MTUS2: variants seen among roughly 807,000 people sequenced by gnomAD.
MTUS2 encodes microtubule associated scaffold protein 2.
Under a neutral mutation model 114.1 loss-of-function variants are expected in MTUS2, and 40 were observed. The ratio of observed to expected loss-of-function variants is 0.35; its 90% confidence interval spans 0.27 to 0.46. The LOEUF is 0.46. Ranked by LOEUF, MTUS2 falls within the 20% of genes least tolerant of loss-of-function variation. MTUS2 has a pLI of 1.00. For synonymous variants in MTUS2, 688 were observed against 672.0 expected, an observed-to-expected ratio of 1.02 and a Z score of -0.37; for missense variants, 1,679 against 1,705.4, an observed-to-expected ratio of 0.98 and a Z score of 0.27.
chr13:29,240,541 C>T (rs1896694181), intron 5 of MTUS2, among the ~76,000 whole-genome samples: 1 of 151,846 alleles, frequency 6.6e-6, no homozygotes, highest in South Asian at 2.1e-4. Flanking sequence ...TGCCTTCACC[C>T]TGTGTGAATC....
intron 2 of MTUS2, among the ~76,000 whole-genome samples, chr13:28,942,133 C>A (rs533011827): frequency 6.6e-6 from 1 of 152,124 alleles, no homozygotes; most frequent in African/African-American, 2.4e-5. Context: ...TTAAATAACT[C>A]ACTTAAAGCA....
rs867449509 is a variant in MTUS2 at position 28,820,500 on chromosome 13, G to A, written c.-427G>A. 6.5e-6 allele frequency: 1 copy of A among 152,746 alleles called. No individual in the cohort carries two copies. Among genetic ancestry groups the A allele is most frequent in the South Asian group, 2.1e-4 (1 of 4,842 alleles). The allele number at this position is 152,746 out of a possible 1,614,324, so 9.5% of individuals were successfully genotyped here. ...ACCTGTCGGTAAATAGAAAACTCGAGCTGGAGAGGAGGAGGAAGCAGCGTG... is the reference window on the plus strand; with the variant it reads ...ACCTGTCGGTAAATAGAAAACTCGAACTGGAGAGGAGGAGGAAGCAGCGTG... On this transcript the variant is annotated 5_prime_UTR_variant, in exon 1 of 16. Coordinates refer to ENST00000612955, the MANE Select transcript of MTUS2 (RefSeq NM_001033602.4).
chr13:29,392,127 C>CA (rs67050496), intron 8 of MTUS2, among the ~76,000 whole-genome samples: 25,378 of 118,834 alleles, frequency 0.21, 3,293 homozygotes, highest in Middle Eastern at 0.3. Flanking sequence ...GACTCTGTCT[C>CA]AAAAAAAAAA....
At chr13:29,397,823 A>T (rs1022490305) in intron 8 of MTUS2, among the ~76,000 whole-genome samples, 2 of 152,214 alleles carry the variant, frequency 1.3e-5, no homozygotes, top group African/African-American at 4.8e-5. Flanking sequence ...CCAAATGCTT[A>T]CCTTTTCCTG....
At chr13:29,141,837 G>T (rs1000307981) in intron 5 of MTUS2, among the ~76,000 whole-genome samples, 17 of 151,756 alleles carry the variant, frequency 1.1e-4, no homozygotes, top group Admixed American at 1.1e-3. Flanking sequence ...ATCCAAAACA[G>T]CTTGAAGTCT....
At chr13:29,165,079 A>G (rs1893259091) in intron 5 of MTUS2, among the ~76,000 whole-genome samples, 1 of 152,200 alleles carries the variant, frequency 6.6e-6, no homozygotes, top group East Asian at 1.9e-4. Context: ...AGCAGGAGCT[A>G]TGGAACTGTG....
At chr13:29,042,099 G>A (rs1413259900) in intron 4 of MTUS2, among the ~76,000 whole-genome samples, 1 of 152,100 alleles carries the variant, frequency 6.6e-6, no homozygotes, top group Non-Finnish European at 1.5e-5. Context: ...GTTGGCTGTG[G>A]CGTTGTCATA....
chr13:29,259,683 G>T (rs1029582748), intron 5 of MTUS2, among the ~76,000 whole-genome samples: 4 of 152,120 alleles, frequency 2.6e-5, no homozygotes, highest in African/African-American at 9.7e-5. Context: ...ATGATAGCTG[G>T]GACAGCAGAC....
rs561268317 is a variant in MTUS2, at chr13:29,457,372, T to A, written c.3184+17323T>A. ...TATCACCATACATTAGTTTTACCTGTTCTTGGATTTCATATGGATAGTATA... is the reference window on the plus strand; with the variant it reads ...TATCACCATACATTAGTTTTACCTGATCTTGGATTTCATATGGATAGTATA... On this transcript the variant is annotated intron_variant, in intron 9 of 15. Coordinates refer to ENST00000612955, the MANE Select transcript of MTUS2 (RefSeq NM_001033602.4). Among the ~76,000 whole-genome samples, 7 of 150,222 alleles carry A rather than the reference T, an allele frequency of 4.7e-5. No homozygotes were observed. The East Asian group carries it at 1.2e-3, about 25-fold the overall frequency.
intron 2 of MTUS2, among the ~76,000 whole-genome samples, chr13:28,963,551 T>C (rs1883436115): frequency 6.6e-6 from 1 of 152,222 alleles, no homozygotes; most frequent in Non-Finnish European, 1.5e-5. Flanking sequence ...ATAGTGTATC[T>C]CTGTGTATGT....
At chr13:29,404,210 G>GT (rs1402147564) in intron 8 of MTUS2, among the ~76,000 whole-genome samples, 1 of 151,388 alleles carries the variant, frequency 6.6e-6, no homozygotes, top group Admixed American at 6.6e-5. Flanking sequence ...AATTAGCCGA[G>GT]TGTGGTGGTG....
chr13:29,362,422 G>A (rs1870337123), intron 8 of MTUS2, among the ~76,000 whole-genome samples: 1 of 152,156 alleles, frequency 6.6e-6, no homozygotes, highest in Admixed American at 6.5e-5. Flanking sequence ...GAAGAGCTTG[G>A]CCTGGAATGT....
At position 28,907,019 on chromosome 13, in the gene MTUS2, A is replaced by T. The variant is rs983813278; in HGVS notation, c.-243+67169A>T. Among the ~76,000 whole-genome samples, 3 of 151,760 alleles carry T rather than the reference A, an allele frequency of 2.0e-5. No individual in the cohort carries two copies. The East Asian group carries it at 5.8e-4, about 29-fold the overall frequency. ...GCCAGAGAGAAAGGTCGGGTTACCC[A>T]CAAAGGGAAGCCCATCAGGCTAACA... On this transcript the variant is annotated intron_variant, in intron 2 of 15. Transcript: ENST00000612955.
intron 7 of MTUS2, among the ~76,000 whole-genome samples, chr13:29,332,669 C>T (rs1433612255): frequency 7.0e-6 from 1 of 142,378 alleles, no homozygotes; most frequent in East Asian, 2.1e-4. Flanking sequence ...GAGTCTCGCT[C>T]AGTCGCCCAG....
At chr13:29,443,014 G>C (rs1172830558) in intron 9 of MTUS2, among the ~76,000 whole-genome samples, 2 of 152,194 alleles carry the variant, frequency 1.3e-5, no homozygotes, top group African/African-American at 4.8e-5. Flanking sequence ...GCCAATCCCA[G>C]AGTATGCTTC....
chr13:28,892,777 T>G (rs1879009847), intron 2 of MTUS2, among the ~76,000 whole-genome samples: 1 of 152,158 alleles, frequency 6.6e-6, no homozygotes, highest in Non-Finnish European at 1.5e-5. Context: ...GGTGAAGAGC[T>G]TATGGCCTTG....
At chr13:28,967,648 G>A (rs1883658299) in intron 2 of MTUS2, among the ~76,000 whole-genome samples, 1 of 152,206 alleles carries the variant, frequency 6.6e-6, no homozygotes, top group African/African-American at 2.4e-5. Flanking sequence ...ACTGGTGTCA[G>A]TGGAGGCAGG....
chr13:28,976,203 C>CAAAAAAAAAAAA (rs71090215), intron 2 of MTUS2, among the ~76,000 whole-genome samples: 1 of 90,160 alleles, frequency 1.1e-5, no homozygotes, highest in Non-Finnish European at 2.2e-5. Flanking sequence ...GACCTTGTCT[C>CAAAAAAAAAAAA]AAAAAAAAAA....
intron 4 of MTUS2, among the ~76,000 whole-genome samples, chr13:29,067,382 G>A (rs1312928621): frequency 6.6e-6 from 1 of 152,124 alleles, no homozygotes; most frequent in Non-Finnish European, 1.5e-5. Flanking sequence ...AGTGTATGAG[G>A]CTAAGGAAGA....
Sources: allele counts gnomAD v4.1 joint callset (sites outside exome capture counted in the v4.1 genomes callset), GRCh38; gene constraint gnomAD v4.1.1; transcripts MANE v1.5; gene names NCBI Gene and HGNC (gene_info 2026-07-23, HGNC 2026-07-21).